The following LRRC4C variants were observed in gnomAD, a reference collection of about 807,000 sequenced individuals.
The protein encoded by LRRC4C is leucine-rich repeat-containing protein 4C.
In LRRC4C, 5 loss-of-function variants were observed where a neutral mutation model predicts 33.6. The observed-to-expected ratio is 0.15, with a 90% confidence interval of 0.08 to 0.31. LRRC4C has a LOEUF of 0.31. LRRC4C is among the 10% of genes least tolerant of loss of function. The pLI, the probability that LRRC4C is intolerant of heterozygous loss-of-function variation, is 1.00. For missense variants in LRRC4C, 560 were observed against 796.7 expected (o/e 0.70, Z 3.58); for synonymous variants, 329 against 302.0 (o/e 1.09, Z -0.93).
chr11:40,955,619 T>G (rs2136786275), intron 1 of LRRC4C, among the ~76,000 whole-genome samples: 1 of 151,936 alleles, frequency 6.6e-6, no homozygotes, highest in South Asian at 2.1e-4. Flanking sequence ...TGGAGTCTGT[T>G]TTTACCTATA....
intron 3 of LRRC4C, among the ~76,000 whole-genome samples, chr11:40,542,034 CTCTT>C (rs1956729929): frequency 7.4e-6 from 1 of 134,990 alleles, no homozygotes; most frequent in African/African-American, 2.7e-5. Flanking sequence ...CTTTCTCTTT[CTCTT>C]TCTTTCTCTT....
chr11:40,162,469 A>G (rs1304218805), intron 5 of LRRC4C, among the ~76,000 whole-genome samples: 2 of 152,118 alleles, frequency 1.3e-5, no homozygotes, highest in Admixed American at 1.3e-4. Flanking sequence ...GGGTGAGAGA[A>G]GAAGAAAGCA....
chr11:40,377,995 A>G (rs1948725428), intron 3 of LRRC4C, among the ~76,000 whole-genome samples: 1 of 152,062 alleles, frequency 6.6e-6, no homozygotes, highest in Non-Finnish European at 1.5e-5. Context: ...TGTAATGCAA[A>G]TTTATGAAAA....
chr11:40,799,855 T>C (rs1950972817), intron 2 of LRRC4C, among the ~76,000 whole-genome samples: 1 of 152,210 alleles, frequency 6.6e-6, no homozygotes, highest in East Asian at 1.9e-4. Flanking sequence ...AGATGACAAG[T>C]CCTGCACAAT....
intron 2 of LRRC4C, among the ~76,000 whole-genome samples, chr11:40,821,265 G>A (rs1951916020): frequency 1.3e-5 from 2 of 151,542 alleles, no homozygotes; most frequent in African/African-American, 2.4e-5. Flanking sequence ...AAATTCCCAT[G>A]CACTATTTTT....
intron 1 of LRRC4C, among the ~76,000 whole-genome samples, chr11:41,023,956 T>C (rs559140110): frequency 7.2e-5 from 11 of 151,928 alleles, no homozygotes; most frequent in African/African-American, 2.6e-4. Context: ...TATCTCCTGT[T>C]ACTTTGTCAG....
intron 2 of LRRC4C, among the ~76,000 whole-genome samples, chr11:40,866,099 T>C (rs949222152): frequency 1.3e-5 from 2 of 150,832 alleles, no homozygotes; most frequent in African/African-American, 2.4e-5. Context: ...GTCTGATCTT[T>C]ATATAGAACA....
chr11:40,232,338 A>G (rs1214863878), intron 5 of LRRC4C, among the ~76,000 whole-genome samples: 1 of 152,130 alleles, frequency 6.6e-6, no homozygotes, highest in Non-Finnish European at 1.5e-5. Context: ...TCTTCACATA[A>G]TGCAAATAAC....
chr11:40,326,950 G>A (rs1032821482), intron 3 of LRRC4C, among the ~76,000 whole-genome samples: 1 of 152,214 alleles, frequency 6.6e-6, no homozygotes, highest in Non-Finnish European at 1.5e-5. Flanking sequence ...AAACACAGCT[G>A]TAGAAATGGA....
At chr11:40,702,781 A>G (rs976927435) in intron 2 of LRRC4C, among the ~76,000 whole-genome samples, 1 of 152,006 alleles carries the variant, frequency 6.6e-6, no homozygotes. Flanking sequence ...TGCATCTGTA[A>G]CTGCCTACTG....
intron 2 of LRRC4C, among the ~76,000 whole-genome samples, chr11:40,729,978 C>T (rs1201725083): frequency 6.6e-6 from 1 of 152,042 alleles, no homozygotes; most frequent in East Asian, 1.9e-4. Context: ...AATTGGAAAT[C>T]ATCATTCTCA....
At chr11:41,431,082 A>T (rs1955216862) in intron 1 of LRRC4C, among the ~76,000 whole-genome samples, 1 of 152,108 alleles carries the variant, frequency 6.6e-6, no homozygotes, top group Admixed American at 6.6e-5. Context: ...TTATTTGTAT[A>T]TCCACATATT....
intron 3 of LRRC4C, among the ~76,000 whole-genome samples, chr11:40,415,336 A>G (rs1353362215): frequency 6.6e-6 from 1 of 152,088 alleles, no homozygotes; most frequent in Non-Finnish European, 1.5e-5. Context: ...TGATAATCCT[A>G]ATTTTATCTT....
At chr11:40,452,224 A>G (rs1015507024) in intron 3 of LRRC4C, among the ~76,000 whole-genome samples, 1 of 152,208 alleles carries the variant, frequency 6.6e-6, no homozygotes, top group Admixed American at 6.5e-5. Flanking sequence ...AAAAGAAACT[A>G]CCATCAGAGT....
chr11:41,075,466 AG>A (rs1178837600), intron 1 of LRRC4C, among the ~76,000 whole-genome samples: 1 of 152,128 alleles, frequency 6.6e-6, no homozygotes, highest in Non-Finnish European at 1.5e-5. Flanking sequence ...CACAAACATT[AG>A]TGGAAGGTAT....
chr11:41,408,817 G>T (rs1405716251), intron 1 of LRRC4C, among the ~76,000 whole-genome samples: 1 of 150,618 alleles, frequency 6.6e-6, no homozygotes, highest in Non-Finnish European at 1.5e-5. Flanking sequence ...AGTTATTATG[G>T]AAGTGAAAGA....
At chr11:40,899,322 T>G (rs1462191250) in intron 2 of LRRC4C, among the ~76,000 whole-genome samples, 6 of 152,158 alleles carry the variant, frequency 3.9e-5, no homozygotes, top group African/African-American at 9.7e-5. Context: ...GGAATAAGAG[T>G]TGGAAGGTCC....
At chr11:40,375,325 A>G (rs1004599090) in intron 3 of LRRC4C, among the ~76,000 whole-genome samples, 6 of 152,138 alleles carry the variant, frequency 3.9e-5, no homozygotes, top group African/African-American at 1.2e-4. Context: ...AGTCTTTGGT[A>G]TTTTTGAGAC....
At chr11:40,270,551 T>C (rs983914948) in intron 4 of LRRC4C, among the ~76,000 whole-genome samples, 1 of 152,072 alleles carries the variant, frequency 6.6e-6, no homozygotes, top group Admixed American at 6.6e-5. Flanking sequence ...AACCTATGAA[T>C]TTTGAGGGAC....
Sources: gnomAD v4.1 joint callset for allele counts (sites outside exome capture counted in the v4.1 genomes callset) on GRCh38, gnomAD v4.1.1 for gene constraint, MANE v1.5 for transcripts, NCBI Gene and HGNC (gene_info 2026-07-23, HGNC 2026-07-21) for gene names.